The following SFXN5 variants were observed in gnomAD, a reference collection of about 807,000 sequenced individuals.
SFXN5 encodes sideroflexin-5.
A neutral mutation model predicts 50.2 loss-of-function variants in SFXN5; 43 were observed. That is an observed-to-expected ratio of 0.86 (90% confidence interval 0.67 to 1.11). The LOEUF (loss-of-function observed/expected upper bound fraction) is 1.11. Among genes scored for constraint, SFXN5 ranks in the 50% least tolerant of loss-of-function variants. SFXN5 has a pLI of 0.00. For missense variants in SFXN5, 463 were observed against 454.1 expected (o/e 1.02, Z -0.18); for synonymous variants, 203 against 185.8 (o/e 1.09, Z -0.75).
At chr2:73,003,748 A>G (rs1482982049) in intron 6 of SFXN5, among the ~76,000 whole-genome samples, 1 of 152,204 alleles carries the variant, frequency 6.6e-6, no homozygotes, top group African/African-American at 2.4e-5. Context: ...CATTTTTAAA[A>G]GTGACATCAA....
chr2:73,010,766 A>G (rs1478779965), intron 6 of SFXN5, among the ~76,000 whole-genome samples: 1 of 152,246 alleles, frequency 6.6e-6, no homozygotes, highest in Non-Finnish European at 1.5e-5. Context: ...CTTAGAATTT[A>G]AAATGTGTTC....
chr2:72,956,392 C>A (rs376040224), intron 13 of SFXN5, among the ~76,000 whole-genome samples: 2 of 152,182 alleles, frequency 1.3e-5, no homozygotes, highest in African/African-American at 4.8e-5. Context: ...CCAAAAGGTC[C>A]CTGTGAAAAC....
chr2:73,056,707 A>C (rs1417706268), intron 2 of SFXN5, among the ~76,000 whole-genome samples: 1 of 152,098 alleles, frequency 6.6e-6, no homozygotes, highest in Non-Finnish European at 1.5e-5. Context: ...AAAACACAAA[A>C]AACAAAAAGT....
At chr2:73,032,878 A>G (rs1678494083) in intron 3 of SFXN5, among the ~76,000 whole-genome samples, 1 of 152,158 alleles carries the variant, frequency 6.6e-6, no homozygotes, top group African/African-American at 2.4e-5. Flanking sequence ...CTCACCATTA[A>G]TTTTGTTGCC....
chr2:73,063,486 G>A (rs779280582), intron 1 of SFXN5, among the ~76,000 whole-genome samples: 1 of 152,174 alleles, frequency 6.6e-6, no homozygotes, highest in Non-Finnish European at 1.5e-5. Flanking sequence ...GTGTGAAAAG[G>A]AGTCATCATA....
intron 3 of SFXN5, among the ~76,000 whole-genome samples, chr2:73,030,217 A>G (rs919233171): frequency 2.6e-5 from 4 of 152,138 alleles, no homozygotes; most frequent in African/African-American, 7.2e-5. Flanking sequence ...TACCACTTGC[A>G]TCCATCTCTA....
chr2:72,954,562 C>T (rs1335034830), intron 13 of SFXN5, among the ~76,000 whole-genome samples: 1 of 152,180 alleles, frequency 6.6e-6, no homozygotes, highest in Non-Finnish European at 1.5e-5. Context: ...TAGCCGCCAG[C>T]CCCTACAAGG....
intron 2 of SFXN5, among the ~76,000 whole-genome samples, chr2:73,045,467 A>C (rs1333646621): frequency 1.3e-5 from 2 of 152,140 alleles, no homozygotes; most frequent in Non-Finnish European, 2.9e-5. Context: ...GTACAGCTGA[A>C]ACATGGGCCA....
chr2:72,956,891 A>T (rs991498896), intron 13 of SFXN5: 2 of 384,924 alleles, frequency 5.2e-6, no homozygotes, highest in Non-Finnish European at 1.1e-5. Context: ...CTGAACAAAG[A>T]AGAAACTGAA....
At chr2:73,017,812 G>A (rs1489429468) in intron 6 of SFXN5, among the ~76,000 whole-genome samples, 1 of 152,152 alleles carries the variant, frequency 6.6e-6, no homozygotes, top group Admixed American at 6.5e-5. Flanking sequence ...TGCCACTCCA[G>A]TAACCATGAG....
intron 1 of SFXN5, among the ~76,000 whole-genome samples, chr2:73,063,894 A>T (rs1177913147): frequency 1.3e-5 from 2 of 152,220 alleles, no homozygotes; most frequent in Admixed American, 1.3e-4. Context: ...TCAATAGTTC[A>T]AAATGTATAG....
intron 1 of SFXN5, among the ~76,000 whole-genome samples, chr2:73,060,534 G>A (rs1000373031): frequency 6.6e-6 from 1 of 152,140 alleles, no homozygotes; most frequent in Non-Finnish European, 1.5e-5. Flanking sequence ...GATGCACTGT[G>A]TAACTCGGGA....
At chr2:73,071,552 C>G in intron 1 of SFXN5, 52 bp downstream of exon 1, 1 of 1,554,000 alleles carries the variant, frequency 6.4e-7, no homozygotes, top group South Asian at 1.1e-5. Context: ...GGGGAGTTTG[C>G]TCGTCCTCTC....
chr2:72,950,117 G>T lies in SFXN5; in HGVS notation c.946-5018C>A, dbSNP rs1191604814. On this transcript the variant is annotated intron_variant, in intron 13 of 13. Coordinates refer to ENST00000272433, the MANE Select transcript of SFXN5 (RefSeq NM_144579.3). This position sits in a 1 kb window ranked among gnomAD's most constrained non-coding sequence, Gnocchi z 4.2. Reference sequence around the variant, plus strand: ...AGGAGCTCGCCCAGGGAAGCAGATGGAGGGGTGGGTGCCAAGGCCTGGGGA... The same window carrying T: ...AGGAGCTCGCCCAGGGAAGCAGATGTAGGGGTGGGTGCCAAGGCCTGGGGA... Among the ~76,000 whole-genome samples, 3 of 152,094 alleles carry T rather than the reference G, an allele frequency of 2.0e-5. No individual in the cohort carries two copies. Among genetic ancestry groups the T allele is most frequent in the African/African-American group, 4.8e-5 (2 of 41,416 alleles).
At chr2:72,967,459 C>T (rs1038631611) in intron 12 of SFXN5, 4 of 152,096 alleles carry the variant, frequency 2.6e-5, no homozygotes, top group African/African-American at 4.8e-5. Flanking sequence ...TCAGGGAGGG[C>T]CTCTTTGAGG....
chr2:73,059,896 T>TCTCATCC, intron 1 of SFXN5: 1 of 869,638 alleles, frequency 1.1e-6, no homozygotes, highest in Non-Finnish European at 1.4e-6. Flanking sequence ...CCAAGGATAT[T>TCTCATCC]CACTGCTGCA....
intron 6 of SFXN5, among the ~76,000 whole-genome samples, chr2:73,005,649 C>T (rs949192793): frequency 1.3e-5 from 2 of 152,156 alleles, no homozygotes; most frequent in Non-Finnish European, 2.9e-5. Context: ...TTTCTCTGAG[C>T]TCCATAGTCA....
At chr2:72,972,488 G>A (rs989560789) in intron 10 of SFXN5, among the ~76,000 whole-genome samples, 9 of 152,200 alleles carry the variant, frequency 5.9e-5, no homozygotes, top group South Asian at 2.1e-4. Flanking sequence ...GAGGGTTCCC[G>A]GCTCCTTAGT....
At position 73,057,739 on chromosome 2, in the gene SFXN5, T is replaced by C. The variant is rs116907468; in HGVS notation, c.171+789A>G. The stretch of plus-strand genomic sequence containing the variant: ...TGAGAGAGGACATGGTGGGAGGTGA[T>C]TGAATGATGGGGATGGTTCCCCCAT... On this transcript the variant is annotated intron_variant, in intron 2 of 13. Coordinates refer to ENST00000272433, the MANE Select transcript of SFXN5 (RefSeq NM_144579.3). Among the ~76,000 whole-genome samples the C allele has an allele frequency of 2.0e-3, 305 of 152,278 alleles. 4 individuals carry two copies. Among genetic ancestry groups the C allele is most frequent in the East Asian group, 0.018 (91 of 5,172 alleles).
Sources: gnomAD v4.1 joint callset for allele counts (sites outside exome capture counted in the v4.1 genomes callset) on GRCh38, gnomAD v4.1.1 for gene constraint, Gnocchi (gnomAD v3.1) non-coding constraint, MANE v1.5 for transcripts, NCBI Gene and HGNC (gene_info 2026-07-23, HGNC 2026-07-21) for gene names.